The following SLC6A11 variants were observed in gnomAD, a reference collection of about 807,000 sequenced individuals.
SLC6A11 encodes the protein sodium- and chloride-dependent GABA transporter 3.
SLC6A11 carries 25 observed loss-of-function variants against 74.8 expected under a neutral mutation model. The ratio of observed to expected loss-of-function variants is 0.33; its 90% CI spans 0.24 to 0.47. The LOEUF (loss-of-function observed/expected upper bound fraction) is 0.47, where lower values mean the gene tolerates loss of function less well. SLC6A11 is among the 20% of genes least tolerant of loss of function. The probability of loss-of-function intolerance (pLI) is 1.00; values close to 1 mark genes in which losing one functional copy is unlikely to be tolerated. For synonymous variants in SLC6A11, 330 were observed against 330.2 expected (o/e 1.00, Z 0.01); for missense variants, 574 against 837.0 (o/e 0.69, Z 3.88).
chr3:10,913,197 G>T (rs533139470), intron 7 of SLC6A11, among the ~76,000 whole-genome samples: 1 of 151,722 alleles, frequency 6.6e-6, no homozygotes, highest in South Asian at 2.1e-4. Flanking sequence ...TTTTTTAAAA[G>T]AAAACCACCC....
chr3:10,934,427 G>A (rs1000241330), intron 12 of SLC6A11, among the ~76,000 whole-genome samples: 2 of 152,294 alleles, frequency 1.3e-5, no homozygotes, highest in Admixed American at 6.5e-5. Flanking sequence ...TGCTGCATAC[G>A]CAAATCGGGC....
At chr3:10,880,820 C>T (rs945125270) in intron 6 of SLC6A11, among the ~76,000 whole-genome samples, 1 of 152,148 alleles carries the variant, frequency 6.6e-6, no homozygotes, top group African/African-American at 2.4e-5. Flanking sequence ...AGCCCAGCAA[C>T]CCTTCCTTAA....
chr3:10,884,473 T>G (rs1309101991), intron 6 of SLC6A11, among the ~76,000 whole-genome samples: 4 of 152,212 alleles, frequency 2.6e-5, no homozygotes, highest in African/African-American at 9.6e-5. Context: ...CATGAGAATT[T>G]TAAAGCCTGT....
chr3:10,883,859 G>A (rs1415411031), intron 6 of SLC6A11, among the ~76,000 whole-genome samples: 4 of 152,100 alleles, frequency 2.6e-5, no homozygotes, highest in African/African-American at 4.8e-5. Flanking sequence ...CACTGAGGTG[G>A]GGGCCACTAC....
At chr3:10,850,308 A>G (rs575027443) in intron 5 of SLC6A11, among the ~76,000 whole-genome samples, 22 of 152,308 alleles carry the variant, frequency 1.4e-4, no homozygotes, top group Admixed American at 5.2e-4. Flanking sequence ...GATATTTCCC[A>G]TGTCCACATG....
At chr3:10,857,782 G>A (rs190617992) in intron 5 of SLC6A11, among the ~76,000 whole-genome samples, 12 of 152,242 alleles carry the variant, frequency 7.9e-5, no homozygotes, top group Admixed American at 2.0e-4. Context: ...ACCCTGAAAC[G>A]CAACTCATAA....
chr3:10,918,734 A>ACCAC lies in SLC6A11; in HGVS notation c.1120+283_1120+286dup, dbSNP rs1233120461. On this transcript the variant is annotated intron_variant, in intron 8 of 13. Transcript: ENST00000254488. The surrounding 1 kb of genome is among the most constrained non-coding windows in gnomAD (Gnocchi z 4.5). The stretch of plus-strand genomic sequence containing the variant: ...CTTCACCGTCTCCCCACTAGCCCGG[A>ACCAC]CCACCATCACTGCTCACCTGGATGG... 6.6e-6 allele frequency among the ~76,000 whole-genome samples: 1 copy of ACCAC among 151,972 alleles called. No individual in the cohort carries two copies. The highest frequency in any genetic ancestry group is 2.4e-5 in the African/African-American group (1 of 41,326).
chr3:10,885,551 C>T (rs73812312), intron 6 of SLC6A11, among the ~76,000 whole-genome samples: 2,183 of 149,950 alleles, frequency 0.015, 49 homozygotes, highest in African/African-American at 0.051. Flanking sequence ...GGGTAGAGCC[C>T]GGGGTACTGC....
intron 5 of SLC6A11, among the ~76,000 whole-genome samples, chr3:10,872,667 A>G (rs1268652740): frequency 2.0e-5 from 3 of 152,310 alleles, no homozygotes; most frequent in East Asian, 3.9e-4. Flanking sequence ...TTCTTAGTAC[A>G]TGAGAGTGTT....
chr3:10,920,528 G>A (rs1350696280), intron 8 of SLC6A11, among the ~76,000 whole-genome samples: 4 of 152,178 alleles, frequency 2.6e-5, no homozygotes, highest in Non-Finnish European at 4.4e-5. Context: ...TTGATACACT[G>A]GAATTGACTT....
chr3:10,916,948 C>T (rs1009474185), intron 7 of SLC6A11, among the ~76,000 whole-genome samples: 3 of 152,128 alleles, frequency 2.0e-5, no homozygotes, highest in African/African-American at 7.2e-5. Context: ...TGTTAACAAC[C>T]AAGAACAACA....
chr3:10,871,053 A>G (rs1694822798), intron 5 of SLC6A11, among the ~76,000 whole-genome samples: 1 of 152,204 alleles, frequency 6.6e-6, no homozygotes, highest in Admixed American at 6.5e-5. Flanking sequence ...ATCGATTCAG[A>G]ACTCTAAACA....
chr3:10,937,192 G>T (rs374703211), intron 13 of SLC6A11, among the ~76,000 whole-genome samples: 1 of 152,170 alleles, frequency 6.6e-6, no homozygotes, highest in African/African-American at 2.4e-5. Context: ...CGGAAGGCAG[G>T]TACCGTTATT....
intron 6 of SLC6A11, among the ~76,000 whole-genome samples, chr3:10,879,639 T>C (rs955620904): frequency 1.3e-5 from 2 of 152,256 alleles, no homozygotes; most frequent in Admixed American, 1.3e-4. Flanking sequence ...TTTTGAATTA[T>C]GTATGTATGT....
Position 10,938,473 on chromosome 3 carries a change from AT to A in SLC6A11, c.*72del. 6.9e-7 allele frequency: 1 copy of A among 1,453,548 alleles called. No individual in the cohort carries two copies. Among genetic ancestry groups the A allele is most frequent in the Non-Finnish European group, 9.3e-7 (1 of 1,074,568 alleles). The allele number at this position is 1,453,548 out of a possible 1,614,324, so 90.0% of individuals were successfully genotyped here. The stretch of plus-strand genomic sequence containing the variant: ...GTATGTAAATGAATTCCTGAACCCC[AT>A]ACTTCACCTAATGGTAGGGGCTTGC... On this transcript the variant is annotated 3_prime_UTR_variant, in exon 14 of 14. Coordinates refer to ENST00000254488, the MANE Select transcript of SLC6A11 (RefSeq NM_014229.3).
intron 6 of SLC6A11, among the ~76,000 whole-genome samples, chr3:10,904,292 T>C (rs1559577951): frequency 6.6e-6 from 1 of 152,240 alleles, no homozygotes; most frequent in African/African-American, 2.4e-5. Flanking sequence ...CCATTATTCA[T>C]TGTTCTCTGT....
intron 6 of SLC6A11, among the ~76,000 whole-genome samples, chr3:10,887,652 G>A (rs992720918): frequency 2.0e-5 from 3 of 152,104 alleles, no homozygotes; most frequent in Admixed American, 1.3e-4. Flanking sequence ...CACCATGTTG[G>A]CCAGGCTTGT....
At chr3:10,854,521 C>A (rs1694615211) in intron 5 of SLC6A11, among the ~76,000 whole-genome samples, 1 of 152,232 alleles carries the variant, frequency 6.6e-6, no homozygotes, top group East Asian at 1.9e-4. Flanking sequence ...CTGCTGGAGG[C>A]TTGGCCACAG....
chr3:10,879,339 A>G (rs151067194), intron 6 of SLC6A11, among the ~76,000 whole-genome samples: 1 of 152,334 alleles, frequency 6.6e-6, no homozygotes, highest in African/African-American at 2.4e-5. Flanking sequence ...AAAGGAAAAC[A>G]AAACCCCATG....
Sources: allele counts gnomAD v4.1 joint callset (sites outside exome capture counted in the v4.1 genomes callset), GRCh38; gene constraint gnomAD v4.1.1; non-coding constraint Gnocchi (gnomAD v3.1); transcripts MANE v1.5; gene names NCBI Gene and HGNC (gene_info 2026-07-23, HGNC 2026-07-21).